The following PIP5K1A variants were observed in gnomAD, a reference collection of about 807,000 sequenced individuals.
PIP5K1A encodes phosphatidylinositol 4-phosphate 5-kinase type-1 alpha.
A neutral mutation model predicts 72.9 loss-of-function variants in PIP5K1A; 46 were observed. That is an observed-to-expected ratio of 0.63 (90% CI 0.50 to 0.81). The LOEUF (loss-of-function observed/expected upper bound fraction) is 0.81, where lower values mean the gene tolerates loss of function less well. PIP5K1A is among the 30% of genes least tolerant of loss of function. The pLI is 0.00. For synonymous variants in PIP5K1A, 228 were observed against 255.1 expected (o/e 0.89, Z 1.01); for missense variants, 458 against 706.1 (o/e 0.65, Z 3.98).
intron 12 of PIP5K1A, 170 bp downstream of exon 12, chr1:151,240,209 C>G (rs1175916784): frequency 3.4e-6 from 2 of 594,954 alleles, no homozygotes; most frequent in Non-Finnish European, 5.9e-6. Context: ...CTGTCATAGT[C>G]ATTTCCAAGT....
intron 1 of PIP5K1A, among the ~76,000 whole-genome samples, chr1:151,201,367 T>G (rs75251615): frequency 1.3e-5 from 2 of 151,678 alleles, no homozygotes; most frequent in African/African-American, 4.8e-5. Context: ...GTTTTTTTTT[T>G]GAGACAGAGT....
intron 1 of PIP5K1A, among the ~76,000 whole-genome samples, chr1:151,219,615 AC>A (rs1326450953): frequency 6.6e-6 from 1 of 151,848 alleles, no homozygotes; most frequent in East Asian, 1.9e-4. Flanking sequence ...AATCTCTTGA[AC>A]CCGGGAGGTG....
chr1:151,206,709 G>A (rs1232738296), intron 1 of PIP5K1A, among the ~76,000 whole-genome samples: 1 of 152,124 alleles, frequency 6.6e-6, no homozygotes, highest in Non-Finnish European at 1.5e-5. Flanking sequence ...GGGACTACAG[G>A]CACGTGCCAC....
intron 3 of PIP5K1A, among the ~76,000 whole-genome samples, chr1:151,226,769 G>A (rs191553609): frequency 5.0e-4 from 74 of 146,782 alleles, no homozygotes; most frequent in African/African-American, 1.8e-3. Context: ...GCTCACACCT[G>A]TAATCCCAGC....
chr1:151,234,161 T>A (rs1195758420), intron 7 of PIP5K1A, 36 bp from the exon 8 acceptor site: 25 of 1,527,412 alleles, frequency 1.6e-5, no homozygotes, highest in Non-Finnish European at 2.2e-5. Context: ...ATCAGCTAAG[T>A]TGTTCTCCTA....
At chr1:151,230,211 T>C (rs1689844599) in intron 4 of PIP5K1A, among the ~76,000 whole-genome samples, 1 of 152,238 alleles carries the variant, frequency 6.6e-6, no homozygotes, top group African/African-American at 2.4e-5. Context: ...AATCAAAGTT[T>C]CTGCAGTGAT....
intron 1 of PIP5K1A, among the ~76,000 whole-genome samples, chr1:151,207,886 CAG>C (rs1686167776): frequency 3.5e-5 from 5 of 144,636 alleles, no homozygotes; most frequent in Admixed American, 2.1e-4. Context: ...TTTTTTGAGA[CAG>C]AGTTTCGCTC....
chr1:151,202,999 C>A (rs1685422761), intron 1 of PIP5K1A, among the ~76,000 whole-genome samples: 1 of 152,004 alleles, frequency 6.6e-6, no homozygotes, highest in Non-Finnish European at 1.5e-5. Flanking sequence ...AAACTCCTGA[C>A]CTCAGGTGAT....
intron 1 of PIP5K1A, among the ~76,000 whole-genome samples, chr1:151,216,509 C>T (rs1687641616): frequency 6.6e-6 from 1 of 152,130 alleles, no homozygotes; most frequent in African/African-American, 2.4e-5. Flanking sequence ...AGTATCTTTT[C>T]TCAGAATTCT....
intron 1 of PIP5K1A, among the ~76,000 whole-genome samples, chr1:151,219,168 G>C (rs1203906478): frequency 6.6e-6 from 1 of 152,010 alleles, no homozygotes; most frequent in African/African-American, 2.4e-5. Flanking sequence ...ATCACTTGAG[G>C]TCAGGAGTTC....
chr1:151,197,097 G>C (rs1321878021), upstream of PIP5K1A, among the ~76,000 whole-genome samples: 7 of 150,974 alleles, frequency 4.6e-5, no homozygotes, highest in East Asian at 1.4e-3. Flanking sequence ...CCTGAGCTCA[G>C]ATGATCCACC....
chr1:151,210,459 T>G (rs1469823948), intron 1 of PIP5K1A, among the ~76,000 whole-genome samples: 1 of 152,058 alleles, frequency 6.6e-6, no homozygotes, highest in Non-Finnish European at 1.5e-5. Context: ...AGTGCTGGAA[T>G]TACAGGCATG....
At chr1:151,216,851 C>T (rs984339031) in intron 1 of PIP5K1A, among the ~76,000 whole-genome samples, 1 of 150,572 alleles carries the variant, frequency 6.6e-6, no homozygotes. Context: ...AGCCAGTCTG[C>T]TCTAGAGAAA....
chr1:151,196,204 C>T (rs1232448373), upstream of PIP5K1A, among the ~76,000 whole-genome samples: 4 of 152,038 alleles, frequency 2.6e-5, no homozygotes, highest in South Asian at 6.2e-4. Flanking sequence ...GCTACACTAT[C>T]CGATTTCTAA....
chr1:151,206,419 C>T (rs1685933920), intron 1 of PIP5K1A, among the ~76,000 whole-genome samples: 1 of 151,992 alleles, frequency 6.6e-6, no homozygotes, highest in South Asian at 2.1e-4. Flanking sequence ...AATAAGCTGT[C>T]CAAAAAGATT....
chr1:151,231,955 G>C (rs1285034787), intron 5 of PIP5K1A, among the ~76,000 whole-genome samples, 154 bp downstream of exon 5: 1 of 152,170 alleles, frequency 6.6e-6, no homozygotes, highest in Non-Finnish European at 1.5e-5. Flanking sequence ...AGAGTTCGGA[G>C]AGCAGATACT....
At chr1:151,231,571 T>C in intron 4 of PIP5K1A, 100 bp from the exon 5 acceptor site, 1 of 1,035,286 alleles carries the variant, frequency 9.7e-7, no homozygotes, top group South Asian at 1.3e-5. Context: ...CTAAAGGATG[T>C]TTGTTTTAAA....
chr1:151,245,847 A>G (rs1692425686), intron 14 of PIP5K1A, among the ~76,000 whole-genome samples: 2 of 152,236 alleles, frequency 1.3e-5, no homozygotes, highest in African/African-American at 4.8e-5. Flanking sequence ...CCACCCCCAA[A>G]TTTTAGATTT....
rs1169427920 is a variant in PIP5K1A at position 151,229,123 on chromosome 1, G to A, written c.237+1723G>A. On this transcript the variant is annotated intron_variant, in intron 4 of 15. Coordinates refer to ENST00000368888, the MANE Select transcript of PIP5K1A (RefSeq NM_001135638.2). ...GCGAAGGTTGCAGTGAGCCGAGGTC[G>A]CGCCATTGCACTCCAGCCTGGGCAA... 8.6e-5 allele frequency among the ~76,000 whole-genome samples: 11 copies of A among 128,530 alleles called. 1 individual carries two copies. The East Asian group carries it at 9.7e-4, about 11-fold the overall frequency. 84.3% of individuals were successfully genotyped at this position (128,530 alleles called of 152,430 possible).
Sources: allele counts gnomAD v4.1 joint callset (sites outside exome capture counted in the v4.1 genomes callset), GRCh38; gene constraint gnomAD v4.1.1; transcripts MANE v1.5; gene names NCBI Gene and HGNC (gene_info 2026-07-23, HGNC 2026-07-21).